Variants in TTC7A observed in about 807,000 individuals in gnomAD.
TTC7A encodes the protein tetratricopeptide repeat protein 7A.
TTC7A carries 110 observed loss-of-function variants against 103.7 expected under a neutral mutation model. The ratio of observed to expected loss-of-function variants is 1.06; its 90% CI spans 0.91 to 1.24. TTC7A has a LOEUF of 1.24. Among genes scored for constraint, TTC7A ranks in the 50% most tolerant of loss-of-function variants. The probability of loss-of-function intolerance (pLI) is 0.00; values close to 1 mark genes in which losing one functional copy is unlikely to be tolerated. For synonymous variants in TTC7A, 521 were observed against 467.9 expected (o/e 1.11, Z -1.47); for missense variants, 1,340 against 1,116.3 (o/e 1.20, Z -2.86).
chr2:46,993,453 C>G lies in TTC7A; in HGVS notation c.768C>G (p.Asn256Lys). ...SAYVKNLKKG[N>K]IVKGMRELRE... ...ACTTCTGCCGTCCTCCCACCAGGAA[C>G]ATCGTGAAGGGCATGAGAGAGCTCC... The change falls in exon 6 of 20, where the codon AAC becomes AAG. Residue 256 changes from asparagine (N) to lysine (K), a missense_variant. Transcript: ENST00000319190. 3 of 1,614,186 alleles carry G rather than the reference C, an allele frequency of 1.9e-6. No homozygotes were observed. The highest frequency in any genetic ancestry group is 2.5e-6 in the Non-Finnish European group (3 of 1,180,012).
At chr2:47,053,968 A>G (rs1417232870) in intron 18 of TTC7A, 2 of 242,786 alleles carry the variant, frequency 8.2e-6, no homozygotes, top group Admixed American at 6.5e-5. Flanking sequence ...GCATGTGCTG[A>G]TAACTCCAAG....
At chr2:47,003,566 A>C (rs1677060945) in intron 8 of TTC7A, among the ~76,000 whole-genome samples, 1 of 152,166 alleles carries the variant, frequency 6.6e-6, no homozygotes, top group African/African-American at 2.4e-5. Flanking sequence ...GCAGCCCACT[A>C]TCCCCTGAAC....
rs373765869 is a variant in TTC7A, at chr2:47,024,367, G to T, written c.1641+8G>T. Reference sequence around the variant, plus strand: ...CTGGCCCTCGTCCGACAGGTGGGTTGTCCGTGTTCCTAACCCCCGGGTCCT... The same window carrying T: ...CTGGCCCTCGTCCGACAGGTGGGTTTTCCGTGTTCCTAACCCCCGGGTCCT... On this transcript the variant is annotated splice_region_variant and intron_variant, in intron 14 of 19. Coordinates refer to ENST00000319190, the MANE Select transcript of TTC7A (RefSeq NM_020458.4). 14 of 1,603,676 alleles carry T rather than the reference G, an allele frequency of 8.7e-6. No individual in the cohort carries two copies. The African/African-American group carries it at 1.2e-4, about 14-fold the overall frequency.
At chr2:46,986,401 G>A (rs896695490) in intron 5 of TTC7A, among the ~76,000 whole-genome samples, 3 of 152,166 alleles carry the variant, frequency 2.0e-5, no homozygotes, top group Non-Finnish European at 2.9e-5. Flanking sequence ...CAGATGCCCC[G>A]CCCTCACTGC....
upstream of TTC7A, among the ~76,000 whole-genome samples, chr2:46,939,396 A>G (rs550881988): frequency 6.6e-6 from 1 of 152,256 alleles, no homozygotes; most frequent in Admixed American, 6.5e-5. Flanking sequence ...TTTTGTCCCT[A>G]CTGGAAAATA....
At chr2:46,944,374 G>GTTTTTTTT (rs34191565) in intron 1 of TTC7A, among the ~76,000 whole-genome samples, 60 of 88,960 alleles carry the variant, frequency 6.7e-4, no homozygotes, top group African/African-American at 2.2e-3. Flanking sequence ...GGTATTTTGG[G>GTTTTTTTT]TTTTTTTTTT....
chr2:47,021,075 A>G (rs1211698080), intron 11 of TTC7A, among the ~76,000 whole-genome samples: 1 of 152,238 alleles, frequency 6.6e-6, no homozygotes, highest in Non-Finnish European at 1.5e-5. Context: ...TTAGTGACAG[A>G]GGAAGCATCC....
At chr2:47,024,440 A>C in intron 14 of TTC7A, 81 bp downstream of exon 14, 1 of 1,305,070 alleles carries the variant, frequency 7.7e-7, no homozygotes, top group Non-Finnish European at 1.1e-6. Context: ...CAGCTGTGTG[A>C]CCCTCTGCAA....
At chr2:46,921,796 A>G (rs1431601212) in intron 2 of TTC7A, among the ~76,000 whole-genome samples, 6 of 152,090 alleles carry the variant, frequency 3.9e-5, no homozygotes, top group African/African-American at 7.2e-5. Context: ...GGAGTGTGCA[A>G]CCTAGATCCC....
chr2:46,950,289 C>A lies in TTC7A; in HGVS notation c.185-74C>A, dbSNP rs570945833. The A allele has an allele frequency of 1.4e-5, 22 of 1,544,028 alleles. No individual in the cohort carries two copies. In the African/African-American group the frequency reaches 2.7e-4, roughly 19 times the overall value. ...ACTGGGTATGGGTGGTTGGGTGGGT[C>A]CAGGAGTGTGCAACTCCCTCCATTA... is the stretch of plus-strand genomic sequence containing the variant. On this transcript the variant is annotated intron_variant, in intron 1 of 19. Transcript: ENST00000319190.
chr2:47,065,601 A>C (rs554115661), intron 19 of TTC7A, among the ~76,000 whole-genome samples: 2 of 152,198 alleles, frequency 1.3e-5, no homozygotes, highest in African/African-American at 4.8e-5. Context: ...CTTTTAGGCA[A>C]ATAGGGGGAG....
At chr2:46,961,159 C>T (rs936435076) in intron 3 of TTC7A, among the ~76,000 whole-genome samples, 11 of 152,154 alleles carry the variant, frequency 7.2e-5, no homozygotes, top group African/African-American at 2.4e-4. Flanking sequence ...AGGGGAAGAC[C>T]CTGGAAAGGA....
chr2:47,066,831 C>T (rs1388377359), intron 19 of TTC7A, among the ~76,000 whole-genome samples: 1 of 152,248 alleles, frequency 6.6e-6, no homozygotes, highest in African/African-American at 2.4e-5. Context: ...GCTGGGATTA[C>T]AGGCATGAGC....
At chr2:46,929,302 T>C (rs967567080) in intron 2 of TTC7A, among the ~76,000 whole-genome samples, 3 of 152,068 alleles carry the variant, frequency 2.0e-5, no homozygotes, top group African/African-American at 4.8e-5. Context: ...CTGGTCAACA[T>C]AGCCAGACCC....
chr2:47,025,002 G>A (rs1392656040), intron 14 of TTC7A, among the ~76,000 whole-genome samples: 2 of 152,172 alleles, frequency 1.3e-5, no homozygotes, highest in Non-Finnish European at 2.9e-5. Context: ...CTCTGGGCAT[G>A]CACACATCCT....
chr2:47,029,516 G>GTCTCTCCACCAGGGATT, intron 15 of TTC7A, 132 bp downstream of exon 15: 3 of 1,046,178 alleles, frequency 2.9e-6, no homozygotes, highest in Non-Finnish European at 4.3e-6. Flanking sequence ...CACAATCCCT[G>GTCTCTCCACCAGGGATT]GTGGAGAGAC....
intron 11 of TTC7A, among the ~76,000 whole-genome samples, chr2:47,017,454 T>G (rs1185964999): frequency 6.6e-6 from 1 of 151,740 alleles, no homozygotes; most frequent in Non-Finnish European, 1.5e-5. Flanking sequence ...GGAGGATCGC[T>G]TGAGCCCAGG....
intron 5 of TTC7A, among the ~76,000 whole-genome samples, chr2:46,982,616 CATT>C (rs529113047): frequency 1.4e-3 from 218 of 152,282 alleles, no homozygotes; most frequent in Admixed American, 3.3e-3. Flanking sequence ...CTTCTCATAG[CATT>C]GTTGTGGGGA....
At chr2:47,069,527 C>T (rs1448317927) in intron 19 of TTC7A, among the ~76,000 whole-genome samples, 2 of 152,128 alleles carry the variant, frequency 1.3e-5, no homozygotes, top group African/African-American at 4.8e-5. Context: ...CACCCCAGCA[C>T]TGGGTGGGGC....
Sources: allele counts gnomAD v4.1 joint callset (sites outside exome capture counted in the v4.1 genomes callset), GRCh38; gene constraint gnomAD v4.1.1; transcripts MANE v1.5; gene names NCBI Gene and HGNC (gene_info 2026-07-23, HGNC 2026-07-21).